Variants in DAB1 observed in about 807,000 individuals in gnomAD.
DAB1 encodes the protein disabled homolog 1.
Under a neutral mutation model 64.6 loss-of-function variants are expected in DAB1, and 15 were observed. The observed-to-expected ratio is 0.23, with a 90% CI of 0.16 to 0.36. The LOEUF is 0.36. Ranked by LOEUF, DAB1 falls within the 10% of genes least tolerant of loss-of-function variation. The probability of loss-of-function intolerance (pLI) is 1.00; values close to 1 mark genes in which losing one functional copy is unlikely to be tolerated. For synonymous variants in DAB1, 235 were observed against 251.9 expected, an observed-to-expected ratio of 0.93 and a Z score of 0.64; for missense variants, 596 against 706.7, an observed-to-expected ratio of 0.84 and a Z score of 1.78.
chr1:57,007,730 A>C (rs538720563), intron 14 of DAB1, among the ~76,000 whole-genome samples: 10 of 152,318 alleles, frequency 6.6e-5, no homozygotes, highest in Non-Finnish European at 7.4e-5. Context: ...TAATGGTTGC[A>C]AGGGTGATAA....
At chr1:57,910,017 C>G (rs1034400451) in intron 5 of DAB1, among the ~76,000 whole-genome samples, 4 of 152,182 alleles carry the variant, frequency 2.6e-5, no homozygotes, top group African/African-American at 9.7e-5. Flanking sequence ...GCTACAGAGT[C>G]TCATAAATAG....
chr1:57,323,973 A>C (rs111841968), intron 1 of DAB1, among the ~76,000 whole-genome samples: 1 of 152,144 alleles, frequency 6.6e-6, no homozygotes, highest in African/African-American at 2.4e-5. Flanking sequence ...ACACAGCCCA[A>C]CTTGCTCAGA....
chr1:57,907,461 G>A (rs997497753), intron 5 of DAB1, among the ~76,000 whole-genome samples: 3 of 152,212 alleles, frequency 2.0e-5, no homozygotes, highest in Admixed American at 2.0e-4. Context: ...AAGCACCCAA[G>A]TGCCTGGTGT....
At chr1:57,091,413 A>G (rs1204826994) in intron 4 of DAB1, among the ~76,000 whole-genome samples, 2 of 152,192 alleles carry the variant, frequency 1.3e-5, no homozygotes, top group Non-Finnish European at 1.5e-5. Context: ...TTTATTTTAA[A>G]GCTCTATGTA....
intron 3 of DAB1, among the ~76,000 whole-genome samples, chr1:58,466,271 C>T (rs1284113658): frequency 2.0e-5 from 3 of 152,134 alleles, no homozygotes; most frequent in Non-Finnish European, 4.4e-5. Flanking sequence ...AAACACTTCC[C>T]CCATCCCTCC....
chr1:57,317,556 C>T (rs1181230290), intron 1 of DAB1, among the ~76,000 whole-genome samples: 1 of 152,160 alleles, frequency 6.6e-6, no homozygotes, highest in Admixed American at 6.5e-5. Context: ...ACTTCTACCC[C>T]ACTCCTATAC....
At chr1:57,951,537 T>G (rs913743530) in intron 5 of DAB1, among the ~76,000 whole-genome samples, 8 of 151,878 alleles carry the variant, frequency 5.3e-5, no homozygotes, top group Non-Finnish European at 1.2e-4. Context: ...GGAGCCAGTT[T>G]CATGTTTAAA....
chr1:57,987,856 T>C (rs1035292556), intron 5 of DAB1, among the ~76,000 whole-genome samples: 20 of 151,626 alleles, frequency 1.3e-4, no homozygotes, highest in East Asian at 1.2e-3. Context: ...TGTTTTTTTT[T>C]TCAGGAAAAC....
intron 7 of DAB1, among the ~76,000 whole-genome samples, chr1:57,473,094 A>C (rs964189247): frequency 1.3e-5 from 2 of 152,216 alleles, no homozygotes; most frequent in African/African-American, 4.8e-5. Context: ...TTAGCTTAGA[A>C]GTCATCACCA....
chr1:58,395,050 C>T (rs1644507868), intron 3 of DAB1, among the ~76,000 whole-genome samples: 2 of 151,908 alleles, frequency 1.3e-5, no homozygotes, highest in Admixed American at 1.3e-4. Flanking sequence ...CTAGCTGAAT[C>T]AGGATAAGTG....
chr1:58,230,004 C>T lies in DAB1; in HGVS notation n.310-79416G>A, dbSNP rs1028178652. ...TGCTCATTCCAGTATGCCATGCAGA[C>T]TGTGCAACCTCCCAGTCTCACTGAG... On this transcript the variant is annotated intron_variant and non_coding_transcript_variant, in intron 4 of 20. Coordinates refer to the DAB1 transcript ENST00000485760. 2.6e-5 allele frequency among the ~76,000 whole-genome samples: 4 copies of T among 152,318 alleles called. No individual in the cohort carries two copies. In the South Asian group the frequency reaches 8.3e-4, roughly 32 times the overall value.
intron 7 of DAB1, among the ~76,000 whole-genome samples, chr1:57,546,098 T>A (rs3074816): frequency 7.2e-6 from 1 of 139,532 alleles, no homozygotes; most frequent in Non-Finnish European, 1.5e-5. Context: ...TGTGTGTGTG[T>A]GCGCGCACGT....
In DAB1 at chr1:57,530,236, T is replaced by C. The variant is rs536090667; in HGVS notation, n.625+119356A>G. On this transcript the variant is annotated intron_variant and non_coding_transcript_variant, in intron 7 of 20. Coordinates refer to the DAB1 transcript ENST00000485760. The stretch of plus-strand genomic sequence containing the variant: ...CAAAGAATCTCATTGCTATCTTTGA[T>C]ATGACAGCCTCTCTTGGTCTCAGCT... Among the ~76,000 whole-genome samples, 3 of 152,352 alleles carry C rather than the reference T, an allele frequency of 2.0e-5. No homozygotes were observed. In the South Asian group the frequency reaches 6.2e-4, roughly 32 times the overall value.
intron 5 of DAB1, among the ~76,000 whole-genome samples, chr1:58,036,199 C>A (rs977038882): frequency 6.6e-6 from 1 of 152,154 alleles, no homozygotes; most frequent in Non-Finnish European, 1.5e-5. Context: ...GATCTAAGCT[C>A]TATTGTATTA....
upstream of DAB1, among the ~76,000 whole-genome samples, chr1:57,887,497 CTG>C (rs1644241794): frequency 6.6e-6 from 1 of 152,156 alleles, no homozygotes; most frequent in African/African-American, 2.4e-5. Context: ...AGAAGAGACA[CTG>C]TGCTAAAACT....
intron 5 of DAB1, among the ~76,000 whole-genome samples, chr1:58,104,677 A>G (rs1397218700): frequency 6.6e-6 from 1 of 152,202 alleles, no homozygotes; most frequent in South Asian, 2.1e-4. Flanking sequence ...ATTTAAATCC[A>G]TTGGAGGGAA....
At chr1:57,963,717 C>T (rs1345332315) in intron 5 of DAB1, among the ~76,000 whole-genome samples, 1 of 152,100 alleles carries the variant, frequency 6.6e-6, no homozygotes, top group Non-Finnish European at 1.5e-5. Context: ...CAGTAATCAT[C>T]CCCTGGGAAG....
At chr1:57,408,879 A>G (rs139886294) in intron 1 of DAB1, among the ~76,000 whole-genome samples, 120 of 152,018 alleles carry the variant, frequency 7.9e-4, no homozygotes, top group African/African-American at 2.8e-3. Context: ...TCTTAACCAC[A>G]TTTCTTAGGC....
chr1:57,214,910 CAAA>C (rs56175448), intron 2 of DAB1, among the ~76,000 whole-genome samples: 12 of 58,738 alleles, frequency 2.0e-4, no homozygotes, highest in Middle Eastern at 0.013. Context: ...GATTCCCTCT[CAAA>C]AAAAAAAAAA....
Sources: gnomAD v4.1 joint callset for allele counts (sites outside exome capture counted in the v4.1 genomes callset) on GRCh38, gnomAD v4.1.1 for gene constraint, MANE v1.5 for transcripts, NCBI Gene and HGNC (gene_info 2026-07-23, HGNC 2026-07-21) for gene names.